MARCHF8: variants seen among roughly 807,000 people sequenced by gnomAD.
MARCHF8 encodes the protein membrane associated ring-CH-type finger 8, also known as E3 ubiquitin-protein ligase MARCHF8.
In MARCHF8, 40 loss-of-function variants were observed where a neutral mutation model predicts 51.6. That is an observed-to-expected ratio of 0.77 (90% CI 0.60 to 1.01). The LOEUF (loss-of-function observed/expected upper bound fraction) is 1.01. Ranked by LOEUF, MARCHF8 falls within the 50% of genes least tolerant of loss-of-function variation. MARCHF8 has a pLI of 0.00. For synonymous variants in MARCHF8, 263 were observed against 280.3 expected, an observed-to-expected ratio of 0.94 and a Z score of 0.62; for missense variants, 685 against 708.6, an observed-to-expected ratio of 0.97 and a Z score of 0.38.
chr10:45,552,011 A>G (rs1467954788), intron 1 of MARCHF8, among the ~76,000 whole-genome samples: 4 of 152,126 alleles, frequency 2.6e-5, no homozygotes, highest in African/African-American at 7.2e-5. Context: ...ATTTTTTGGC[A>G]ATTCCTACAG....
chr10:45,551,297 A>G (rs945110581), intron 1 of MARCHF8, among the ~76,000 whole-genome samples: 2 of 152,232 alleles, frequency 1.3e-5, no homozygotes, highest in African/African-American at 4.8e-5. Flanking sequence ...GTCTGTCATT[A>G]AGAACATAAA....
rs534761787 is a variant in MARCHF8, at chr10:45,577,374, G to T, written c.-79+16861C>A. ...ACATTTTAAAATAAGAGTGTAATTG[G>T]ATTGCTTGTAACACAAAGGATAAAT... On this transcript the variant is annotated intron_variant, in intron 1 of 6. Transcript: ENST00000319836. Among the ~76,000 whole-genome samples the T allele has an allele frequency of 8.0e-4, 121 of 152,124 alleles. 1 individual carries two copies. The highest frequency in any genetic ancestry group is 2.8e-3 in the African/African-American group (116 of 41,476).
At chr10:45,475,300 T>C (rs970821194) in intron 3 of MARCHF8, among the ~76,000 whole-genome samples, 1 of 152,182 alleles carries the variant, frequency 6.6e-6, no homozygotes, top group African/African-American at 2.4e-5. Flanking sequence ...CTCTCCCCAG[T>C]AGTAGGGCTG....
rs2132935360 is a variant in MARCHF8 at position 45,463,638 on chromosome 10, C to G, written c.601G>C (p.Glu201Gln). Residue 201 changes from glutamate (E) to glutamine (Q), a missense_variant, in exon 5 of 8, where the codon GAA becomes CAA. Physicochemically the swap from Glu to Gln is conservative, Grantham distance 29. Coordinates refer to ENST00000453424, the MANE Select transcript of MARCHF8 (RefSeq NM_001282866.2). ...CLRTNRFHHK[E>Q]KRTLNHKPLG... is the part of the protein sequence containing the mutation. ...GGTTTGTGGTTCAGGGTTCTTTTTT[C>G]TTTATGATGAAACCTGTTAGTTCTG... The G allele has an allele frequency of 1.3e-6, 2 of 1,550,640 alleles. No individual in the cohort carries two copies. Among genetic ancestry groups the G allele is most frequent in the South Asian group, 2.4e-5 (2 of 84,062 alleles).
At chr10:45,542,617 T>C (rs1364040082) in intron 1 of MARCHF8, among the ~76,000 whole-genome samples, 1 of 152,146 alleles carries the variant, frequency 6.6e-6, no homozygotes, top group South Asian at 2.1e-4. Context: ...ATATTTCTGA[T>C]CCAAGAGTTT....
chr10:45,480,774 A>G (rs2042871560), intron 3 of MARCHF8, among the ~76,000 whole-genome samples: 1 of 152,244 alleles, frequency 6.6e-6, no homozygotes, highest in Non-Finnish European at 1.5e-5. Context: ...TGGAGCCCTC[A>G]TGGAGAACCT....
intron 1 of MARCHF8, among the ~76,000 whole-genome samples, chr10:45,593,109 T>C (rs4367907): frequency 0.64 from 97,776 of 151,638 alleles, 31,803 homozygotes; most frequent in East Asian, 0.84. Flanking sequence ...AGTAAGTTGG[T>C]TTTGAAAAGA....
chr10:45,487,464 T>C (rs2043002584), intron 3 of MARCHF8, among the ~76,000 whole-genome samples: 2 of 152,226 alleles, frequency 1.3e-5, no homozygotes, highest in South Asian at 4.1e-4. Context: ...TAATTCAACT[T>C]AAGCAAACAG....
chr10:45,533,960 A>G (rs2043932428), intron 1 of MARCHF8, among the ~76,000 whole-genome samples: 1 of 152,098 alleles, frequency 6.6e-6, no homozygotes, highest in South Asian at 2.1e-4. Context: ...AAGGCGGGCA[A>G]ATCACGAGGT....
intron 1 of MARCHF8, among the ~76,000 whole-genome samples, chr10:45,554,224 G>GT (rs1205491186): frequency 6.6e-6 from 1 of 152,062 alleles, no homozygotes; most frequent in Non-Finnish European, 1.5e-5. Context: ...ACAAGTAATG[G>GT]TATCAATATG....
rs548086553 is a variant in MARCHF8, at chr10:45,457,409, A to G, written c.*830T>C. 41 of 152,282 alleles carry G rather than the reference A, an allele frequency of 2.7e-4. No individual in the cohort carries two copies. Among genetic ancestry groups the G allele is most frequent in the Admixed American group, 2.4e-3 (36 of 15,290 alleles). The allele number at this position is 152,282 out of a possible 1,614,324, so 9.4% of individuals were successfully genotyped here. A position where few individuals can be genotyped will look rare whatever the true frequency, so the allele number is the denominator to read the frequency against. On this transcript the variant is annotated 3_prime_UTR_variant, in exon 8 of 8. Coordinates refer to ENST00000453424, the MANE Select transcript of MARCHF8 (RefSeq NM_001282866.2). ...TTTAATTGCCATTTAGCATCCACTA[A>G]TTCCCATGAGATCTGTGATTAAAAA...
At chr10:45,567,136 T>C (rs1371821644) in intron 1 of MARCHF8, among the ~76,000 whole-genome samples, 3 of 152,350 alleles carry the variant, frequency 2.0e-5, no homozygotes, top group African/African-American at 7.2e-5. Context: ...CATTATTTTT[T>C]CCTATAGAGT....
At chr10:45,591,162 C>CT (rs1491154399) in intron 1 of MARCHF8, among the ~76,000 whole-genome samples, 3 of 152,190 alleles carry the variant, frequency 2.0e-5, no homozygotes, top group African/African-American at 7.2e-5. Context: ...CCTTTGCTGA[C>CT]TCTCTTTTCG....
intron 2 of MARCHF8, among the ~76,000 whole-genome samples, chr10:45,529,516 T>G (rs961402787): frequency 4.6e-5 from 7 of 152,048 alleles, no homozygotes; most frequent in African/African-American, 1.7e-4. Flanking sequence ...AAATAAATAA[T>G]CAACAGAGAA....
chr10:45,467,520 A>G (rs890329183), intron 3 of MARCHF8, among the ~76,000 whole-genome samples: 5 of 152,224 alleles, frequency 3.3e-5, no homozygotes, highest in African/African-American at 1.2e-4. Flanking sequence ...GACCTGAGAG[A>G]AATCTATCAA....
At chr10:45,484,559 A>C (rs2042946901) in intron 3 of MARCHF8, among the ~76,000 whole-genome samples, 1 of 152,244 alleles carries the variant, frequency 6.6e-6, no homozygotes, top group African/African-American at 2.4e-5. Flanking sequence ...CTAAAAATAT[A>C]AGATTTTCTA....
chr10:45,578,048 A>G (rs746411940), intron 1 of MARCHF8, among the ~76,000 whole-genome samples: 7 of 152,190 alleles, frequency 4.6e-5, no homozygotes, highest in Non-Finnish European at 7.4e-5. Context: ...TAAAAAATTA[A>G]AATATGGATA....
At chr10:45,552,899 T>C (rs748313215) in intron 1 of MARCHF8, among the ~76,000 whole-genome samples, 11 of 152,214 alleles carry the variant, frequency 7.2e-5, no homozygotes, top group Non-Finnish European at 1.5e-4. Context: ...TTGAATACTA[T>C]ATAAACTGAT....
At chr10:45,464,468 C>T (rs1011567043) in intron 3 of MARCHF8, 141 bp from the exon 4 acceptor site, 3 of 671,794 alleles carry the variant, frequency 4.5e-6, no homozygotes, top group Non-Finnish European at 7.9e-6. Flanking sequence ...TTAGATCCTT[C>T]TAAGCCTTGG....
Sources: allele counts gnomAD v4.1 joint callset (sites outside exome capture counted in the v4.1 genomes callset), GRCh38; gene constraint gnomAD v4.1.1; transcripts MANE v1.5; gene names NCBI Gene and HGNC (gene_info 2026-07-23, HGNC 2026-07-21).